The following CLYBL variants were observed in gnomAD, a reference collection of about 807,000 sequenced individuals.
CLYBL encodes citramalyl-CoA lyase, mitochondrial.
CLYBL carries 31 observed loss-of-function variants against 38.9 expected under a neutral mutation model. The ratio of observed to expected loss-of-function variants is 0.80; its 90% CI spans 0.60 to 1.08. The LOEUF is 1.08. Ranked by LOEUF, CLYBL falls within the 50% of genes least tolerant of loss-of-function variation. The probability of loss-of-function intolerance (pLI) is 0.00; values close to 1 mark genes in which losing one functional copy is unlikely to be tolerated. For missense variants in CLYBL, 434 were observed against 411.6 expected (o/e 1.05, Z -0.47); for synonymous variants, 171 against 158.6 (o/e 1.08, Z -0.59).
In CLYBL at chr13:99,797,254, T is replaced by C. The variant is rs550358035; in HGVS notation, c.249+24244T>C. Among the ~76,000 whole-genome samples the C allele has an allele frequency of 1.1e-4, 16 of 152,300 alleles. No individual in the cohort carries two copies. The East Asian group carries it at 2.9e-3, about 28-fold the overall frequency. ...TGAACGATTTTAATGCCTAAATACA[T>C]GTATGACTGAATTTTTGTTATATGT... is the stretch of plus-strand genomic sequence containing the variant. On this transcript the variant is annotated intron_variant, in intron 2 of 8. Transcript: ENST00000339105.
At chr13:99,834,795 C>A (rs766724812) in intron 2 of CLYBL, among the ~76,000 whole-genome samples, 4 of 152,212 alleles carry the variant, frequency 2.6e-5, no homozygotes, top group Non-Finnish European at 5.9e-5. Flanking sequence ...TGTCCTCAAC[C>A]CAGCCTTTAT....
At chr13:99,760,993 A>T (rs1211471669) in intron 1 of CLYBL, among the ~76,000 whole-genome samples, 1 of 152,176 alleles carries the variant, frequency 6.6e-6, no homozygotes, top group African/African-American at 2.4e-5. Flanking sequence ...ATTTATACCC[A>T]TAATCAACTT....
intron 1 of CLYBL, among the ~76,000 whole-genome samples, chr13:99,753,542 G>A (rs1213883566): frequency 6.6e-6 from 1 of 152,196 alleles, no homozygotes; most frequent in Admixed American, 6.5e-5. Context: ...GCCCTGGCAG[G>A]GAGCTGGAAT....
intron 2 of CLYBL, among the ~76,000 whole-genome samples, chr13:99,799,037 A>G (rs1419991832): frequency 6.6e-6 from 1 of 152,222 alleles, no homozygotes; most frequent in Non-Finnish European, 1.5e-5. Context: ...TGCTTTTCTC[A>G]AAAGTAAGAA....
Position 99,719,655 on chromosome 13 carries a change from C to T in CLYBL, c.63-53169C>T, listed in dbSNP as rs531355852. Among the ~76,000 whole-genome samples, 16 of 151,948 alleles carry T rather than the reference C, an allele frequency of 1.1e-4. 1 individual carries two copies. The South Asian group carries it at 3.1e-3, about 30-fold the overall frequency. Reference sequence around the variant, plus strand: ...CCTAGTAGCTTGGATTACAGGTGCCCGCCACCACACCCAGCTAATTTTTTG... The same window carrying T: ...CCTAGTAGCTTGGATTACAGGTGCCTGCCACCACACCCAGCTAATTTTTTG... On this transcript the variant is annotated intron_variant, in intron 1 of 8. Coordinates refer to ENST00000339105, the MANE Select transcript of CLYBL (RefSeq NM_206808.5).
chr13:99,792,786 T>C (rs1459532434), intron 2 of CLYBL, among the ~76,000 whole-genome samples: 1 of 152,130 alleles, frequency 6.6e-6, no homozygotes, highest in African/African-American at 2.4e-5. Flanking sequence ...AGGCCTCCTG[T>C]AGTCACCTGT....
intron 1 of CLYBL, among the ~76,000 whole-genome samples, chr13:99,673,602 C>T (rs1046997991): frequency 2.6e-5 from 4 of 152,048 alleles, no homozygotes; most frequent in African/African-American, 4.8e-5. Context: ...CCTGTGTGTC[C>T]GTGGTTAGCA....
At chr13:99,610,402 TG>T (rs1284166152) in intron 1 of CLYBL, among the ~76,000 whole-genome samples, 1 of 152,216 alleles carries the variant, frequency 6.6e-6, no homozygotes, top group Non-Finnish European at 1.5e-5. Context: ...AGTAATATAA[TG>T]GGGCAACTCT....
At chr13:99,797,710 T>C (rs2050052425) in intron 2 of CLYBL, among the ~76,000 whole-genome samples, 1 of 152,172 alleles carries the variant, frequency 6.6e-6, no homozygotes, top group South Asian at 2.1e-4. Flanking sequence ...TTTGTGGACA[T>C]GTGTAGCACG....
At chr13:99,887,857 G>GTT (rs199802222) in intron 7 of CLYBL, among the ~76,000 whole-genome samples, 2 of 148,872 alleles carry the variant, frequency 1.3e-5, no homozygotes, top group Non-Finnish European at 1.5e-5. Context: ...GGGATTTGGG[G>GTT]TTTTTTTTTT....
intron 1 of CLYBL, among the ~76,000 whole-genome samples, chr13:99,641,579 C>T (rs61974374): frequency 0.027 from 3,969 of 149,654 alleles, 80 homozygotes; most frequent in Middle Eastern, 0.11. Context: ...CCAAGGTGGG[C>T]GGATCATGAG....
chr13:99,831,214 G>A (rs1373225021), intron 2 of CLYBL, among the ~76,000 whole-genome samples: 2 of 152,164 alleles, frequency 1.3e-5, no homozygotes. Context: ...CTGGGCTCCA[G>A]AACTATGAAA....
chr13:99,644,206 G>GTA (rs10643154), intron 1 of CLYBL, among the ~76,000 whole-genome samples: 81,191 of 145,028 alleles, frequency 0.56, 23,578 homozygotes, highest in African/African-American at 0.74. Context: ...TGTGGTGTAT[G>GTA]TGTATATGTG....
chr13:99,789,070 C>A (rs369386845), intron 2 of CLYBL, among the ~76,000 whole-genome samples: 1 of 151,856 alleles, frequency 6.6e-6, no homozygotes, highest in African/African-American at 2.4e-5. Context: ...TTTTTTATTG[C>A]GTCTATTTGA....
intron 1 of CLYBL, among the ~76,000 whole-genome samples, chr13:99,617,288 AC>A (rs1346722189): frequency 1.3e-5 from 2 of 150,264 alleles, no homozygotes; most frequent in African/African-American, 2.5e-5. Context: ...AAAAATTGGC[AC>A]TTTTTTTTTT....
chr13:99,689,235 G>A (rs1027267072), intron 1 of CLYBL, among the ~76,000 whole-genome samples: 11 of 152,188 alleles, frequency 7.2e-5, no homozygotes, highest in African/African-American at 2.7e-4. Flanking sequence ...CTCAGCTTCA[G>A]GATTCCAGAA....
chr13:99,644,376 T>A (rs2047146364), intron 1 of CLYBL, among the ~76,000 whole-genome samples: 2 of 152,170 alleles, frequency 1.3e-5, no homozygotes, highest in African/African-American at 4.8e-5. Context: ...ATTTTAAAAA[T>A]TTTAATAGGT....
At chr13:99,673,248 A>T (rs2047593663) in intron 1 of CLYBL, among the ~76,000 whole-genome samples, 1 of 152,124 alleles carries the variant, frequency 6.6e-6, no homozygotes, top group Admixed American at 6.6e-5. Flanking sequence ...CCCTGTTTCT[A>T]TTAAAAATAC....
intron 7 of CLYBL, among the ~76,000 whole-genome samples, chr13:99,876,069 CTTTT>C (rs10625169): frequency 6.6e-5 from 7 of 106,654 alleles, no homozygotes; most frequent in East Asian, 2.8e-4. Context: ...TTCTATTTCA[CTTTT>C]TTTTTTTTTT....
Sources: allele counts gnomAD v4.1 joint callset (sites outside exome capture counted in the v4.1 genomes callset), GRCh38; gene constraint gnomAD v4.1.1; transcripts MANE v1.5; gene names NCBI Gene and HGNC (gene_info 2026-07-23, HGNC 2026-07-21).